PRDM5: variants seen among roughly 807,000 people sequenced by gnomAD.
PRDM5 encodes the protein PR domain zinc finger protein 5.
A neutral mutation model predicts 81.2 loss-of-function variants in PRDM5; 56 were observed. The observed-to-expected ratio is 0.69, with a 90% CI of 0.56 to 0.86. The LOEUF (loss-of-function observed/expected upper bound fraction) is 0.86, where lower values mean the gene tolerates loss of function less well. Among genes scored for constraint, PRDM5 ranks in the 40% least tolerant of loss-of-function variants. PRDM5 has a pLI of 0.00. For synonymous variants in PRDM5, 267 were observed against 256.4 expected (o/e 1.04, Z -0.39); for missense variants, 697 against 770.1 (o/e 0.91, Z 1.12).
At chr4:120,700,911 C>T (rs377283689) in intron 15 of PRDM5, among the ~76,000 whole-genome samples, 4 of 152,190 alleles carry the variant, frequency 2.6e-5, no homozygotes, top group African/African-American at 9.6e-5. Flanking sequence ...GATCACCTGA[C>T]GTTAGGAGAT....
At chr4:120,901,233 G>T (rs1160934117) in intron 2 of PRDM5, among the ~76,000 whole-genome samples, 2 of 152,100 alleles carry the variant, frequency 1.3e-5, no homozygotes, top group Non-Finnish European at 2.9e-5. Context: ...CCCTCACCCT[G>T]TTCCCACCAT....
intron 8 of PRDM5, among the ~76,000 whole-genome samples, chr4:120,803,419 T>G (rs1229389833): frequency 6.6e-6 from 1 of 151,826 alleles, no homozygotes; most frequent in East Asian, 1.9e-4. Flanking sequence ...TTCACCAAAG[T>G]TGAAATGAAG....
chr4:120,710,169 T>A, intron 15 of PRDM5, 140 bp downstream of exon 15: 1 of 726,912 alleles, frequency 1.4e-6, no homozygotes, highest in Non-Finnish European at 2.4e-6. Context: ...ATAAATAGCA[T>A]AAGACATTAA....
At chr4:120,745,371 C>T (rs1388431144) in intron 14 of PRDM5, among the ~76,000 whole-genome samples, 1 of 126,132 alleles carries the variant, frequency 7.9e-6, no homozygotes, top group South Asian at 3.0e-4. Context: ...AAAACTGGCA[C>T]AAGACAGGGA....
At chr4:120,724,729 T>C (rs780973900) in intron 14 of PRDM5, among the ~76,000 whole-genome samples, 5 of 152,174 alleles carry the variant, frequency 3.3e-5, no homozygotes, top group Non-Finnish European at 5.9e-5. Context: ...AAAAACATAC[T>C]TATCCCATTA....
intron 1 of PRDM5, among the ~76,000 whole-genome samples, chr4:120,910,945 T>G (rs1043143664): frequency 1.3e-5 from 2 of 152,210 alleles, no homozygotes; most frequent in African/African-American, 2.4e-5. Context: ...AACTGTCCGC[T>G]CTTCCATTTT....
At chr4:120,793,857 ATG>A (rs56084382) in intron 10 of PRDM5, among the ~76,000 whole-genome samples, 15 of 151,764 alleles carry the variant, frequency 9.9e-5, no homozygotes, top group East Asian at 3.9e-4. Context: ...TCATTTCACA[ATG>A]TGTGTGTGTG....
At chr4:120,884,340 C>G (rs1763171697) in intron 2 of PRDM5, among the ~76,000 whole-genome samples, 1 of 152,100 alleles carries the variant, frequency 6.6e-6, no homozygotes, top group African/African-American at 2.4e-5. Context: ...ATATTTGTAT[C>G]TCCCTTAATT....
At chr4:120,747,944 G>T (rs531952328) in intron 14 of PRDM5, among the ~76,000 whole-genome samples, 124 of 152,274 alleles carry the variant, frequency 8.1e-4, no homozygotes, top group African/African-American at 2.8e-3. Flanking sequence ...ATCAAAAGGG[G>T]TTATACGAGA....
intron 2 of PRDM5, among the ~76,000 whole-genome samples, chr4:120,870,618 C>G (rs1005928596): frequency 6.6e-6 from 1 of 152,000 alleles, no homozygotes; most frequent in Non-Finnish European, 1.5e-5. Context: ...AGTAAAGGGA[C>G]CAGCAAGAGG....
At chr4:120,717,015 T>C (rs561592414) in intron 14 of PRDM5, among the ~76,000 whole-genome samples, 152 of 151,142 alleles carry the variant, frequency 1.0e-3, no homozygotes, top group African/African-American at 3.5e-3. Context: ...GGGGATAAGA[T>C]TGGAGAGGCA....
chr4:120,902,300 G>C (rs1765314951), intron 2 of PRDM5, among the ~76,000 whole-genome samples: 1 of 152,242 alleles, frequency 6.6e-6, no homozygotes, highest in Non-Finnish European at 1.5e-5. Context: ...CACAGAGCCA[G>C]TGCCTGGAGA....
intron 3 of PRDM5, among the ~76,000 whole-genome samples, chr4:120,822,588 A>C (rs1256180500): frequency 6.6e-6 from 1 of 152,220 alleles, no homozygotes; most frequent in Non-Finnish European, 1.5e-5. Context: ...ACCTTCATGA[A>C]AAATTGCAAA....
intron 7 of PRDM5, among the ~76,000 whole-genome samples, chr4:120,815,462 G>A (rs1754361179): frequency 6.6e-6 from 1 of 152,208 alleles, no homozygotes; most frequent in South Asian, 2.1e-4. Flanking sequence ...CCAAACCAAT[G>A]ATGCAAAGTC....
At chr4:120,736,698 A>G (rs183617893) in intron 14 of PRDM5, among the ~76,000 whole-genome samples, 208 of 152,262 alleles carry the variant, frequency 1.4e-3, no homozygotes, top group Admixed American at 3.1e-3. Flanking sequence ...ATATTCGATC[A>G]TGTATCCCTA....
chr4:120,886,860 A>G (rs1275181923), intron 2 of PRDM5, among the ~76,000 whole-genome samples: 2 of 152,126 alleles, frequency 1.3e-5, no homozygotes, highest in African/African-American at 4.8e-5. Context: ...TCAGTCTTAT[A>G]TAACTGCCCT....
chr4:120,730,204 C>A (rs1740042162), intron 14 of PRDM5, among the ~76,000 whole-genome samples: 1 of 152,130 alleles, frequency 6.6e-6, no homozygotes, highest in Non-Finnish European at 1.5e-5. Context: ...AGCCTCACTT[C>A]CCTCTTCTGT....
chr4:120,863,041 C>T (rs1760780971), intron 2 of PRDM5, among the ~76,000 whole-genome samples: 1 of 150,618 alleles, frequency 6.6e-6, no homozygotes, highest in African/African-American at 2.4e-5. Context: ...TGCCTATAAA[C>T]TGGCTACTTG....
chr4:120,825,552 A>C (rs1755854246), intron 3 of PRDM5, among the ~76,000 whole-genome samples: 1 of 152,140 alleles, frequency 6.6e-6, no homozygotes, highest in Non-Finnish European at 1.5e-5. Flanking sequence ...GCATGCTCAG[A>C]ATGATTACTT....
Sources: allele counts gnomAD v4.1 joint callset (sites outside exome capture counted in the v4.1 genomes callset), GRCh38; gene constraint gnomAD v4.1.1; transcripts MANE v1.5; gene names NCBI Gene and HGNC (gene_info 2026-07-23, HGNC 2026-07-21).